C12orf54: variants seen among roughly 807,000 people sequenced by gnomAD.
C12orf54 encodes the protein uncharacterized protein C12orf54.
Under a neutral mutation model 26.4 loss-of-function variants are expected in C12orf54, and 24 were observed. That is an observed-to-expected ratio of 0.91 (90% confidence interval 0.66 to 1.28). The LOEUF is 1.28. Among genes scored for constraint, C12orf54 ranks in the 50% most tolerant of loss-of-function variants. C12orf54 has a pLI of 0.00. For missense variants in C12orf54, 154 were observed against 150.9 expected (o/e 1.02, Z -0.11); for synonymous variants, 54 against 47.0 (o/e 1.15, Z -0.61).
intron 7 of C12orf54, 145 bp downstream of exon 7, chr12:48,493,140 CT>C (rs1483990041): frequency 1.4e-6 from 1 of 692,730 alleles, no homozygotes; most frequent in African/African-American, 1.8e-5. Context: ...CCCCACCCAA[CT>C]GTGTCTACTA....
the C12orf54 span, among the ~76,000 whole-genome samples, chr12:48,453,536 CATACATATAT>C: frequency 6.3e-5 from 2 of 31,944 alleles, no homozygotes; most frequent in African/African-American, 2.1e-4. Flanking sequence ...TATATATACA[CATACATATAT>C]ATACACATAT....
upstream of C12orf54, among the ~76,000 whole-genome samples, chr12:48,478,167 T>C (rs1173846474): frequency 2.0e-5 from 3 of 152,196 alleles, no homozygotes; most frequent in Non-Finnish European, 4.4e-5. Flanking sequence ...TCTCAATAGA[T>C]GCAGAAAAGG....
chr12:48,422,717 G>A, the C12orf54 span, among the ~76,000 whole-genome samples: 1 of 152,144 alleles, frequency 6.6e-6, no homozygotes, highest in African/African-American at 2.4e-5. Flanking sequence ...GAGAAACAAT[G>A]TTTATGGTTG....
chr12:48,415,015 T>C, the C12orf54 span, among the ~76,000 whole-genome samples: 2 of 152,210 alleles, frequency 1.3e-5, no homozygotes, highest in Non-Finnish European at 2.9e-5. Flanking sequence ...CTCCAACTAA[T>C]ACATGAGCCC....
the C12orf54 span, among the ~76,000 whole-genome samples, chr12:48,418,284 C>G: frequency 1.3e-5 from 2 of 152,122 alleles, no homozygotes; most frequent in Non-Finnish European, 2.9e-5. Flanking sequence ...TATTTACTGC[C>G]TCTGTGCTGT....
chr12:48,444,390 C>T, the C12orf54 span, among the ~76,000 whole-genome samples: 2 of 152,154 alleles, frequency 1.3e-5, no homozygotes, highest in South Asian at 4.1e-4. Context: ...AAAGAAAGGT[C>T]TCCTCTTTTC....
At chr12:48,479,701 T>C (rs1470088722), upstream of C12orf54, among the ~76,000 whole-genome samples, 1 of 151,996 alleles carries the variant, frequency 6.6e-6, no homozygotes, top group African/African-American at 2.4e-5. Flanking sequence ...CTAGTGAATG[T>C]ACAGTTGCTT....
intron 6 of C12orf54, among the ~76,000 whole-genome samples, chr12:48,492,194 T>C (rs1407500574): frequency 6.6e-6 from 1 of 151,840 alleles, no homozygotes; most frequent in African/African-American, 2.4e-5. Context: ...CAAAACGGAG[T>C]TCGTTAAGGG....
At chr12:48,486,282 G>A (rs1208075367) in intron 3 of C12orf54, 74 bp downstream of exon 3, 2 of 1,455,878 alleles carry the variant, frequency 1.4e-6, no homozygotes, top group Non-Finnish European at 1.9e-6. Flanking sequence ...AGAAGAGGTT[G>A]TAGACAGGAG....
chr12:48,448,047 G>A, the C12orf54 span, among the ~76,000 whole-genome samples: 2 of 151,248 alleles, frequency 1.3e-5, no homozygotes, highest in African/African-American at 4.8e-5. Context: ...CCTCAGTCCC[G>A]CAACTGAAAA....
At chr12:48,454,092 GTTT>G in the C12orf54 span, among the ~76,000 whole-genome samples, 1 of 75,784 alleles carries the variant, frequency 1.3e-5, no homozygotes, top group Non-Finnish European at 2.9e-5. Flanking sequence ...CTCTTTTTTT[GTTT>G]GTTTTTTTTT....
chr12:48,422,648 A>G, the C12orf54 span, among the ~76,000 whole-genome samples: 1 of 152,208 alleles, frequency 6.6e-6, no homozygotes, highest in Admixed American at 6.5e-5. Context: ...CTTAGAGGCA[A>G]CTTGTATAAG....
upstream of C12orf54, among the ~76,000 whole-genome samples, chr12:48,478,147 C>T (rs1382775163): frequency 6.6e-6 from 1 of 152,074 alleles, no homozygotes; most frequent in East Asian, 1.9e-4. Context: ...AGACAAAAAC[C>T]ACATGATTAT....
the C12orf54 span, among the ~76,000 whole-genome samples, chr12:48,418,286 C>G: frequency 6.6e-6 from 1 of 152,144 alleles, no homozygotes; most frequent in Non-Finnish European, 1.5e-5. Flanking sequence ...TTTACTGCCT[C>G]TGTGCTGTCA....
At chr12:48,466,861 A>G in the C12orf54 span, among the ~76,000 whole-genome samples, 1 of 152,198 alleles carries the variant, frequency 6.6e-6, no homozygotes, top group African/African-American at 2.4e-5. Flanking sequence ...GCATATATCC[A>G]TACAAAAATT....
chr12:48,483,411 AT>A (rs1289286092), intron 2 of C12orf54, 50 bp downstream of exon 2: 1 of 1,566,412 alleles, frequency 6.4e-7, no homozygotes, highest in African/African-American at 1.4e-5. Flanking sequence ...GCTATACTCT[AT>A]GGGAGAAGAA....
At chr12:48,496,145 C>T (rs1023850057) in intron 8 of C12orf54, 36 bp from the exon 9 acceptor site, 3 of 152,220 alleles carry the variant, frequency 2.0e-5, no homozygotes, top group African/African-American at 7.2e-5. Context: ...GAATAAATTT[C>T]TTTTATTCCC....
At chr12:48,429,262 C>A in the C12orf54 span, among the ~76,000 whole-genome samples, 1 of 152,118 alleles carries the variant, frequency 6.6e-6, no homozygotes, top group South Asian at 2.1e-4. Context: ...GGGAACAAGA[C>A]AAGGATGCCC....
chr12:48,486,394 T>A, intron 3 of C12orf54, 186 bp downstream of exon 3: 1 of 640,496 alleles, frequency 1.6e-6, no homozygotes, highest in South Asian at 1.9e-5. Flanking sequence ...ATGCCACCAC[T>A]TCACCAGATG....
Sources: gnomAD v4.1 joint callset for allele counts (sites outside exome capture counted in the v4.1 genomes callset) on GRCh38, gnomAD v4.1.1 for gene constraint, MANE v1.5 for transcripts, NCBI Gene and HGNC (gene_info 2026-07-23, HGNC 2026-07-21) for gene names.